ACSL4: variants seen among roughly 807,000 people sequenced by gnomAD.
ACSL4 encodes the protein acyl-CoA synthetase long chain family member 4.
Under a neutral mutation model 49.1 loss-of-function variants are expected in ACSL4, and 9 were observed. That is an observed-to-expected ratio of 0.18 (90% confidence interval 0.11 to 0.32). ACSL4 has a LOEUF of 0.32. ACSL4 is among the 10% of genes least tolerant of loss of function. The pLI is 1.00. For synonymous variants in ACSL4, 191 were observed against 170.3 expected (o/e 1.12, Z -0.95); for missense variants, 333 against 493.7 (o/e 0.67, Z 3.08).
intron 9 of ACSL4, among the ~76,000 whole-genome samples, chrX:109,670,675 A>G (rs1409558018): frequency 9.2e-6 from 1 of 108,436 alleles, no homozygotes; most frequent in East Asian, 3.0e-4. Flanking sequence ...TCTGATGCCG[A>G]GCGGAGGCTG....
chrX:109,663,908 C>T (rs1922403180), intron 12 of ACSL4, among the ~76,000 whole-genome samples: 2 of 111,036 alleles, frequency 1.8e-5, no homozygotes, highest in South Asian at 3.7e-4. Flanking sequence ...TGCCTGTGGC[C>T]AGTCATGACT....
Position 109,711,790 on chromosome X carries a change from G to GC in ACSL4, c.-65-15595dup, listed in dbSNP as rs754415652. On this transcript the variant is annotated intron_variant, in intron 1 of 15. Coordinates refer to ENST00000672401, the MANE Select transcript of ACSL4 (RefSeq NM_001318510.2). ...TGACCTCAAAGTACCCTACGGGACAGCACTTAAATTTGTCTAAGTTCCTGT... is the reference window on the plus strand; with the variant it reads ...TGACCTCAAAGTACCCTACGGGACAGCCACTTAAATTTGTCTAAGTTCCTGT... Among the ~76,000 whole-genome samples the GC allele has an allele frequency of 1.7e-4, 19 of 111,141 alleles. 1 individual carries two copies. The highest frequency in any genetic ancestry group is 1.4e-3 in the Admixed American group (15 of 10,391).
intron 15 of ACSL4, among the ~76,000 whole-genome samples, chrX:109,655,267 A>G (rs1252019989): frequency 9.0e-6 from 1 of 111,458 alleles, no homozygotes; most frequent in African/African-American, 3.3e-5. Context: ...AAAACTACAT[A>G]AAAAGGATTC....
intron 1 of ACSL4, among the ~76,000 whole-genome samples, chrX:109,701,067 C>T (rs772310476): frequency 1.1e-3 from 126 of 111,414 alleles, no homozygotes; most frequent in African/African-American, 4.0e-3. Flanking sequence ...AATAAGCAAA[C>T]AAACAATAAA....
intron 1 of ACSL4, 134 bp from the exon 2 acceptor site, chrX:109,696,330 G>A (rs1925444606): frequency 8.9e-6 from 1 of 112,366 alleles, no homozygotes; most frequent in Non-Finnish European, 1.9e-5. Context: ...AGCAAGAAAT[G>A]ACTAGAGATG....
intron 1 of ACSL4, among the ~76,000 whole-genome samples, chrX:109,702,909 A>C (rs180688123): frequency 4.6e-4 from 51 of 111,822 alleles, no homozygotes; most frequent in Non-Finnish European, 8.6e-4. Flanking sequence ...AGAAGAGACT[A>C]ATCTTCCTCA....
intron 6 of ACSL4, among the ~76,000 whole-genome samples, chrX:109,679,802 T>C (rs759959777): frequency 8.9e-6 from 1 of 112,408 alleles, no homozygotes; most frequent in South Asian, 3.7e-4. Flanking sequence ...TGAAGACTGC[T>C]GACCCCTTAG....
chrX:109,664,064 G>A (rs1922421486), intron 12 of ACSL4, among the ~76,000 whole-genome samples: 1 of 111,476 alleles, frequency 9.0e-6, no homozygotes, highest in African/African-American at 3.3e-5. Flanking sequence ...ACTAGATTTT[G>A]TGTCATAAAA....
At chrX:109,657,877 CTGT>C (rs1208755600) in intron 15 of ACSL4, among the ~76,000 whole-genome samples, 2 of 111,564 alleles carry the variant, frequency 1.8e-5, no homozygotes, top group African/African-American at 6.6e-5. Context: ...TCTCCAGCAC[CTGT>C]TGTTCCCTGA....
At chrX:109,715,254 T>A (rs1288722948) in intron 1 of ACSL4, among the ~76,000 whole-genome samples, 1 of 112,242 alleles carries the variant, frequency 8.9e-6, no homozygotes, top group Non-Finnish European at 1.9e-5. Flanking sequence ...AGTATCACAC[T>A]AGTGTTATAT....
At chrX:109,732,644 T>A (rs1928561692) in intron 1 of ACSL4, among the ~76,000 whole-genome samples, 1 of 111,493 alleles carries the variant, frequency 9.0e-6, no homozygotes, top group African/African-American at 3.3e-5. Flanking sequence ...AGCGACGGCA[T>A]CCCTCAAATT....
rs1924277283 is a variant in ACSL4 at position 109,682,818 on chromosome X, C to A, written c.307G>T (p.Ala103Ser). ...RVNNFGSGLT[A>S]LGLKPKNTIA... ...GTGTTCTTTGGTTTTAGTCCCAGTG[C>A]AGTGAGTCCACTACCAAAGTTATTC... Residue 103 changes from alanine to serine, a missense_variant, in exon 4 of 16, where the codon GCA (alanine) becomes TCA (serine). By Grantham distance (99) the Ala-to-Ser change is moderately conservative. Transcript: ENST00000672401. The A allele has an allele frequency of 8.3e-7, 1 of 1,209,658 alleles. No individual in the cohort carries two copies. The highest frequency in any genetic ancestry group is 1.1e-6 in the Non-Finnish European group (1 of 894,818).
intron 1 of ACSL4, among the ~76,000 whole-genome samples, chrX:109,701,043 A>AAAAT (rs1032950912): frequency 9.0e-6 from 1 of 111,319 alleles, no homozygotes; most frequent in African/African-American, 3.3e-5. Flanking sequence ...ACTCCATCTC[A>AAAAT]AAATAAATAA....
At chrX:109,725,105 G>A (rs1459431386) in intron 1 of ACSL4, among the ~76,000 whole-genome samples, 2 of 108,981 alleles carry the variant, frequency 1.8e-5, no homozygotes, top group Admixed American at 2.0e-4. Context: ...TTTAAAGACA[G>A]GATCTCACTC....
In ACSL4 at chrX:109,683,356, T is replaced by G; in HGVS notation, c.8A>C (p.Lys3Thr). 8.3e-7 allele frequency: 1 copy of G among 1,211,944 alleles called. No homozygotes were observed. Among genetic ancestry groups the G allele is most frequent in the Non-Finnish European group, 1.1e-6 (1 of 895,531 alleles). MA[K>T]RIKAKPTSDK... ...TGAAGTGGGCTTAGCTTTTATTCTC[T>G]TTGCCATAGCGTTTTTCTTCTTGGC... The change falls in exon 3 of 16, where the codon AAG (lysine) becomes ACG (threonine). Residue 3 changes from lysine to threonine, a missense_variant. Lys to Thr is a moderately conservative substitution (Grantham distance 78, BLOSUM62 -1). Around this residue, in one of 3 missense-constraint regions of ACSL4, gnomAD observed 157 missense variants for 201.1 expected, o/e 0.78. Transcript: ENST00000672401.
chrX:109,649,939 C>T (rs1223989380), intron 15 of ACSL4, among the ~76,000 whole-genome samples: 7 of 108,571 alleles, frequency 6.4e-5, no homozygotes, highest in African/African-American at 2.3e-4. Context: ...CTCACCATCA[C>T]TGGCCATCAG....
intron 9 of ACSL4, among the ~76,000 whole-genome samples, chrX:109,669,916 G>A (rs193184294): frequency 5.4e-5 from 6 of 111,662 alleles, no homozygotes; most frequent in Non-Finnish European, 1.1e-4. Flanking sequence ...AAAATCCTAA[G>A]TATCTATAGT....
At chrX:109,699,974 A>C (rs1489097278) in intron 1 of ACSL4, among the ~76,000 whole-genome samples, 4 of 108,416 alleles carry the variant, frequency 3.7e-5, no homozygotes, top group Non-Finnish European at 7.7e-5. Context: ...TCCCAGCACT[A>C]TCGGAGGCTG....
At chrX:109,671,253 G>A (rs1923191557) in intron 9 of ACSL4, among the ~76,000 whole-genome samples, 1 of 110,784 alleles carries the variant, frequency 9.0e-6, no homozygotes, top group South Asian at 3.8e-4. Flanking sequence ...TCTGAGATGT[G>A]AAGAGCGCCT....
Sources: allele counts gnomAD v4.1 joint callset (sites outside exome capture counted in the v4.1 genomes callset), GRCh38; gene constraint gnomAD v4.1.1; regional missense constraint gnomAD v4.1.1; transcripts MANE v1.5; gene names NCBI Gene and HGNC (gene_info 2026-07-23, HGNC 2026-07-21).